Variants in ATP9A observed in about 807,000 individuals in gnomAD.
ATP9A encodes the protein probable phospholipid-transporting ATPase IIA.
Under a neutral mutation model 144.1 loss-of-function variants are expected in ATP9A, and 52 were observed. The ratio of observed to expected loss-of-function variants is 0.36; its 90% CI spans 0.29 to 0.45. The LOEUF is 0.45. Among genes scored for constraint, ATP9A ranks in the 20% least tolerant of loss-of-function variants. The pLI is 1.00. For missense variants in ATP9A, 947 were observed against 1,392.7 expected (o/e 0.68, Z 5.09); for synonymous variants, 582 against 557.4 (o/e 1.04, Z -0.62).
intron 6 of ATP9A, among the ~76,000 whole-genome samples, chr20:51,694,532 G>A (rs575854189): frequency 1.4e-4 from 21 of 152,196 alleles, no homozygotes; most frequent in Non-Finnish European, 2.5e-4. Context: ...CCACGTAATA[G>A]CTTTGTGCCC....
chr20:51,641,824 T>C (rs996603029), intron 14 of ATP9A, among the ~76,000 whole-genome samples: 3 of 37,728 alleles, frequency 8.0e-5, no homozygotes, highest in Non-Finnish European at 2.3e-4. Flanking sequence ...AGAGCGAAAC[T>C]CCATCTCAAA....
At chr20:51,615,487 A>G (rs1330223199) in intron 22 of ATP9A, among the ~76,000 whole-genome samples, 1 of 152,232 alleles carries the variant, frequency 6.6e-6, no homozygotes, top group Non-Finnish European at 1.5e-5. Flanking sequence ...TTACATATAT[A>G]TACATGTGTA....
intron 1 of ATP9A, among the ~76,000 whole-genome samples, chr20:51,749,693 GAAC>G (rs1235798553): frequency 6.6e-6 from 1 of 152,134 alleles, no homozygotes; most frequent in African/African-American, 2.4e-5. Context: ...AAAATTTCTA[GAAC>G]AATACAGAAG....
chr20:51,691,556 A>ACGCCTCCCACC (rs2077548550), intron 7 of ATP9A, among the ~76,000 whole-genome samples: 1 of 152,162 alleles, frequency 6.6e-6, no homozygotes, highest in Non-Finnish European at 1.5e-5. Context: ...AAAAGTAAGA[A>ACGCCTCCCACC]CGCCTCCCAC....
Position 51,671,576 on chromosome 20 carries a change from A to T in ATP9A, c.1038-319T>A, listed in dbSNP as rs373193222. On this transcript the variant is annotated intron_variant, in intron 11 of 27. Coordinates refer to ENST00000338821, the MANE Select transcript of ATP9A (RefSeq NM_006045.3). Reference sequence around the variant, plus strand: ...CTAATATATTTTTGATGCTATATTCATTTTTTTAATTGTGGTAAAATATAC... The same window carrying T: ...CTAATATATTTTTGATGCTATATTCTTTTTTTTAATTGTGGTAAAATATAC... 1.1e-4 allele frequency among the ~76,000 whole-genome samples: 17 copies of T among 152,212 alleles called. 2 individuals are homozygous for T. Among genetic ancestry groups the T allele is most frequent in the East Asian group, 3.9e-4 (2 of 5,184 alleles).
At chr20:51,634,786 C>T (rs1453280305) in intron 15 of ATP9A, among the ~76,000 whole-genome samples, 2 of 142,048 alleles carry the variant, frequency 1.4e-5, no homozygotes, top group Admixed American at 7.9e-5. Context: ...ACCCCGGAGG[C>T]GAAGGTTGCA....
chr20:51,723,627 G>A (rs1037811712), intron 3 of ATP9A, among the ~76,000 whole-genome samples: 26 of 147,294 alleles, frequency 1.8e-4, no homozygotes, highest in African/African-American at 4.2e-4. Context: ...GTACAGTGGC[G>A]CTCACTGCCA....
chr20:51,648,907 C>T (rs1161691491), intron 14 of ATP9A, among the ~76,000 whole-genome samples: 1 of 152,092 alleles, frequency 6.6e-6, no homozygotes, highest in Non-Finnish European at 1.5e-5. Context: ...CTGGAAGTTG[C>T]TAAGTGAAAC....
At chr20:51,756,347 G>A (rs1417632085) in intron 1 of ATP9A, among the ~76,000 whole-genome samples, 1 of 151,616 alleles carries the variant, frequency 6.6e-6, no homozygotes, top group Non-Finnish European at 1.5e-5. Flanking sequence ...CTGGAGTGCA[G>A]GGGCATGATC....
intron 15 of ATP9A, among the ~76,000 whole-genome samples, chr20:51,633,583 A>C (rs2077278545): frequency 1.3e-5 from 2 of 152,084 alleles, no homozygotes; most frequent in Non-Finnish European, 2.9e-5. Context: ...TTGGCTCTAC[A>C]AAAAATTTAA....
Position 51,598,832 on chromosome 20 carries a change from G to A in ATP9A, c.*2379C>T, listed in dbSNP as rs1020704858. On this transcript the variant is annotated 3_prime_UTR_variant, in exon 28 of 28. Transcript: ENST00000338821. ...TCAGCCAGCTGCCCACTGATGGGATGGGCCAACGACGTGGCAGTTTGCACT... is the reference window on the plus strand; with the variant it reads ...TCAGCCAGCTGCCCACTGATGGGATAGGCCAACGACGTGGCAGTTTGCACT... 1 of 152,326 alleles carries A rather than the reference G, an allele frequency of 6.6e-6. No homozygotes were observed. The highest frequency in any genetic ancestry group is 2.4e-5 in the African/African-American group (1 of 41,472). 9.4% of individuals were successfully genotyped at this position (152,326 alleles called of 1,614,324 possible). A position where few individuals can be genotyped will look rare whatever the true frequency, so the allele number is the denominator to read the frequency against.
At chr20:51,695,054 A>G (rs1333599975) in intron 6 of ATP9A, among the ~76,000 whole-genome samples, 1 of 152,188 alleles carries the variant, frequency 6.6e-6, no homozygotes, top group African/African-American at 2.4e-5. Flanking sequence ...CTTTAATTCT[A>G]TTCATAATGA....
In ATP9A at chr20:51,605,683, C is replaced by T. The variant is rs148393134; in HGVS notation, c.2804-663G>A. ...TAATCAGCACTTTGGGAGGCTGAGG[C>T]GGGCGGATCACTGGAGGCCAGGAGT... On this transcript the variant is annotated intron_variant, in intron 26 of 27. Coordinates refer to ENST00000338821, the MANE Select transcript of ATP9A (RefSeq NM_006045.3). Among the ~76,000 whole-genome samples, 251 of 151,884 alleles carry T rather than the reference C, an allele frequency of 1.7e-3. 1 individual carries two copies. The highest frequency in any genetic ancestry group is 0.011 in the East Asian group (59 of 5,164).
At chr20:51,629,561 T>A (rs933820014) in intron 15 of ATP9A, among the ~76,000 whole-genome samples, 7 of 152,162 alleles carry the variant, frequency 4.6e-5, no homozygotes, top group African/African-American at 1.7e-4. Context: ...CCCTACGCAC[T>A]AGATGCCAGT....
intron 4 of ATP9A, among the ~76,000 whole-genome samples, chr20:51,703,356 C>A (rs1652670863): frequency 6.6e-6 from 1 of 152,256 alleles, no homozygotes; most frequent in Non-Finnish European, 1.5e-5. Context: ...TATCGAGGCT[C>A]CAAGATTTTT....
intron 3 of ATP9A, among the ~76,000 whole-genome samples, chr20:51,718,853 G>T (rs1003476405): frequency 8.3e-6 from 1 of 120,560 alleles, no homozygotes; most frequent in African/African-American, 3.1e-5. Flanking sequence ...AAACAGGCCG[G>T]GTGCAGTAGC....
At chr20:51,627,215 C>G (rs1269813887) in intron 17 of ATP9A, among the ~76,000 whole-genome samples, 1 of 152,084 alleles carries the variant, frequency 6.6e-6, no homozygotes, top group Admixed American at 6.5e-5. Flanking sequence ...ATTCTTCTGG[C>G]CTCTCCAGAT....
Position 51,629,009 on chromosome 20 carries a change from C to T in ATP9A, c.1732G>A (p.Val578Met), listed in dbSNP as rs1279465263. 1.2e-6 allele frequency: 2 copies of T among 1,614,008 alleles called. No individual in the cohort carries two copies. The highest frequency in any genetic ancestry group is 4.5e-5 in the East Asian group (2 of 44,898). Residue 578 changes from valine to methionine, a missense_variant, in exon 16 of 28, where the codon GTG (valine) becomes ATG (methionine). Val to Met is a conservative substitution (Grantham distance 21). Transcript: ENST00000338821. The stretch of plus-strand genomic sequence containing the variant: ...TCCTCCAACCAGTCATTGTACTGCA[C>T]AATGCCAGCCATGACCACATCTGCT... The part of the protein sequence containing the change: ...KGADVVMAGI[V>M]QYNDWLEEEC...
Position 51,641,597 on chromosome 20 carries a change from C to T in ATP9A, c.1507-2093G>A, listed in dbSNP as rs1353918716. 2.0e-5 allele frequency among the ~76,000 whole-genome samples: 3 copies of T among 151,310 alleles called. No homozygotes were observed. The Admixed American group carries it at 2.0e-4, about 10-fold the overall frequency. Reference sequence around the variant, plus strand: ...TGGGAGGCTGAGGTGAGTGGATCACCTGAGGTCAGGAGTTCGAGACCAGCC... The same window carrying T: ...TGGGAGGCTGAGGTGAGTGGATCACTTGAGGTCAGGAGTTCGAGACCAGCC... On this transcript the variant is annotated intron_variant, in intron 14 of 27. Coordinates refer to ENST00000338821, the MANE Select transcript of ATP9A (RefSeq NM_006045.3).
Sources: gnomAD v4.1 joint callset for allele counts (sites outside exome capture counted in the v4.1 genomes callset) on GRCh38, gnomAD v4.1.1 for gene constraint, MANE v1.5 for transcripts, NCBI Gene and HGNC (gene_info 2026-07-23, HGNC 2026-07-21) for gene names.